GAS2L3: variants seen among roughly 807,000 people sequenced by gnomAD.
GAS2L3 encodes the protein growth arrest specific 2 like 3.
Under a neutral mutation model 37.0 loss-of-function variants are expected in GAS2L3, and 28 were observed. That is an observed-to-expected ratio of 0.76 (90% CI 0.56 to 1.04). GAS2L3 has a LOEUF of 1.04. Ranked by LOEUF, GAS2L3 falls within the 50% of genes least tolerant of loss-of-function variation. GAS2L3 has a pLI of 0.00. For synonymous variants in GAS2L3, 290 were observed against 296.6 expected, an observed-to-expected ratio of 0.98 and a Z score of 0.23; for missense variants, 793 against 817.6, an observed-to-expected ratio of 0.97 and a Z score of 0.37.
At chr12:100,593,975 T>C (rs984933353) in intron 2 of GAS2L3, 2 of 152,104 alleles carry the variant, frequency 1.3e-5, no homozygotes, top group Non-Finnish European at 2.9e-5. Flanking sequence ...AGGAAAGTGG[T>C]ATGTATAGTT....
chr12:100,594,818 G>T, intron 2 of GAS2L3, 57 bp from the exon 3 acceptor site: 1 of 543,564 alleles, frequency 1.8e-6, no homozygotes, highest in South Asian at 4.0e-5. Context: ...TGGGGGTTTG[G>T]GGGAGTAGCA....
chr12:100,610,318 A>G (rs1956110611), intron 5 of GAS2L3, among the ~76,000 whole-genome samples: 1 of 152,218 alleles, frequency 6.6e-6, no homozygotes, highest in South Asian at 2.1e-4. Context: ...AATTTTTTAA[A>G]TATGTTATTT....
intron 5 of GAS2L3, among the ~76,000 whole-genome samples, chr12:100,603,014 G>A (rs942148118): frequency 5.3e-5 from 8 of 152,126 alleles, no homozygotes; most frequent in African/African-American, 1.9e-4. Flanking sequence ...CATTGTATAT[G>A]TGTGTCACAT....
At chr12:100,582,923 A>G (rs948292274) in intron 1 of GAS2L3, among the ~76,000 whole-genome samples, 2 of 152,166 alleles carry the variant, frequency 1.3e-5, no homozygotes, top group African/African-American at 2.4e-5. Flanking sequence ...CCTGCAGTGT[A>G]GCACCTCAGA....
In GAS2L3 at chr12:100,626,399, A is replaced by T. The variant is rs1956332733; in HGVS notation, c.*1509A>T. 1 of 152,216 alleles carries T rather than the reference A, an allele frequency of 6.6e-6. No individual in the cohort carries two copies. The highest frequency in any genetic ancestry group is 1.5e-5 in the Non-Finnish European group (1 of 68,034). The allele number at this position is 152,216 out of a possible 1,614,324, so 9.4% of individuals were successfully genotyped here. ...TGCAAGCTAGTTTTTGGAAGAAGTG[A>T]TGCTTCTCTTCTTTAAAGAGACAGT... On this transcript the variant is annotated 3_prime_UTR_variant, in exon 10 of 10. Coordinates refer to ENST00000547754, the MANE Select transcript of GAS2L3 (RefSeq NM_174942.3).
chr12:100,612,071 C>T lies in GAS2L3; in HGVS notation c.375C>T (p.Thr125=), dbSNP rs762390679. Residue 125 remains threonine, a synonymous_variant, in exon 6 of 10, where the codon ACC becomes ACT. Coordinates refer to ENST00000547754, the MANE Select transcript of GAS2L3 (RefSeq NM_174942.3). ...GTTCATTCTTTGCTCGGGACAATAC[C>T]GCAAACTTCCTTCACTGGTGTAGGG... ...ASGSFFARDN[T]ANFLHWCRDI... is the part of the protein sequence containing the mutation. 23 of 1,610,974 alleles carry T rather than the reference C, an allele frequency of 1.4e-5. No individual in the cohort carries two copies. Among genetic ancestry groups the T allele is most frequent in the East Asian group, 4.5e-5 (2 of 44,856 alleles).
At chr12:100,579,090 T>C in intron 1 of GAS2L3, 1 of 732,516 alleles carries the variant, frequency 1.4e-6, no homozygotes, top group Non-Finnish European at 2.6e-6. Context: ...CTCAAGTACA[T>C]ATTTGTTCAG....
At chr12:100,582,412 G>A (rs1380722766) in intron 1 of GAS2L3, among the ~76,000 whole-genome samples, 5 of 152,302 alleles carry the variant, frequency 3.3e-5, no homozygotes, top group Middle Eastern at 3.4e-3. Context: ...GGATGTATAC[G>A]TGCAGGTCAC....
At chr12:100,576,554 A>G (rs911689853) in intron 1 of GAS2L3, among the ~76,000 whole-genome samples, 6 of 152,214 alleles carry the variant, frequency 3.9e-5, no homozygotes, top group Non-Finnish European at 5.9e-5. Flanking sequence ...AATCTGAGAA[A>G]ATAGGAAACT....
intron 1 of GAS2L3, among the ~76,000 whole-genome samples, chr12:100,581,296 G>A (rs1226587942): frequency 6.6e-6 from 1 of 152,210 alleles, no homozygotes; most frequent in Non-Finnish European, 1.5e-5. Flanking sequence ...AAAGTTTTAA[G>A]AACACAGTCT....
intron 5 of GAS2L3, among the ~76,000 whole-genome samples, chr12:100,606,053 G>C (rs1384551245): frequency 6.6e-6 from 1 of 151,844 alleles, no homozygotes; most frequent in South Asian, 2.1e-4. Context: ...TTGATTTTCT[G>C]TCTGGAAGAT....
chr12:100,574,235 A>G (rs1565793395), intron 1 of GAS2L3, among the ~76,000 whole-genome samples: 1 of 152,262 alleles, frequency 6.6e-6, no homozygotes, highest in Middle Eastern at 3.4e-3. Flanking sequence ...TTTTCTGTTC[A>G]TCATCCTCGG....
chr12:100,608,074 G>A (rs73155653), intron 5 of GAS2L3, among the ~76,000 whole-genome samples: 5,642 of 152,182 alleles, frequency 0.037, 140 homozygotes, highest in Middle Eastern at 0.065. Context: ...GATATTCAAA[G>A]GGACTTGGGC....
At chr12:100,573,898 G>A (rs1402325710) in intron 1 of GAS2L3, 113 bp downstream of exon 1, 1 of 152,276 alleles carries the variant, frequency 6.6e-6, no homozygotes, top group Non-Finnish European at 1.5e-5. Context: ...CTGAGGCCCC[G>A]AAGCTGAGGT....
chr12:100,615,376 T>C (rs1956173572), intron 6 of GAS2L3, among the ~76,000 whole-genome samples: 1 of 152,174 alleles, frequency 6.6e-6, no homozygotes. Flanking sequence ...CTTGCAAGAA[T>C]TCTTTATATA....
chr12:100,611,552 GT>G (rs2136524484), intron 5 of GAS2L3, among the ~76,000 whole-genome samples: 1 of 152,298 alleles, frequency 6.6e-6, no homozygotes, highest in East Asian at 1.9e-4. Flanking sequence ...ATGGAAGACA[GT>G]TTTTCCACAG....
In GAS2L3 at chr12:100,624,538, CA is replaced by C; in HGVS notation, c.1737del (p.Asp580IlefsTer4). The C allele has an allele frequency of 6.2e-7, 1 of 1,614,000 alleles. No individual in the cohort carries two copies. The highest frequency in any genetic ancestry group is 8.5e-7 in the Non-Finnish European group (1 of 1,180,000). ...SVSPVKATQKSKDKNIVSATK... is the reference protein window; with the variant it reads ...SVSPVKATQKXKDKNIVSATK... ...TCTCCTGTAAAAGCCACACAGAAAT[CA>C]AAAGATAAGAATATAGTTTCAGCTA... is the stretch of plus-strand genomic sequence containing the variant. On this transcript the variant is annotated frameshift_variant, in exon 10 of 10. Transcript: ENST00000547754. LOFTEE classifies it low-confidence loss of function (END_TRUNC).
intron 7 of GAS2L3, among the ~76,000 whole-genome samples, chr12:100,618,132 G>A (rs886679553): frequency 6.6e-6 from 1 of 152,148 alleles, no homozygotes; most frequent in African/African-American, 2.4e-5. Context: ...GGATCTGGCA[G>A]AAGGCAAGGA....
At chr12:100,604,020 G>A (rs192535628) in intron 5 of GAS2L3, among the ~76,000 whole-genome samples, 2 of 151,478 alleles carry the variant, frequency 1.3e-5, no homozygotes, top group East Asian at 1.9e-4. Context: ...ATACTGTTTT[G>A]GTTGAAGTCA....
Sources: gnomAD v4.1 joint callset for allele counts (sites outside exome capture counted in the v4.1 genomes callset) on GRCh38, gnomAD v4.1.1 for gene constraint, MANE v1.5 for transcripts, NCBI Gene and HGNC (gene_info 2026-07-23, HGNC 2026-07-21) for gene names.